Variants in PPP2R2C observed in about 807,000 individuals in gnomAD.
The protein encoded by PPP2R2C is protein phosphatase 2 regulatory subunit Bgamma.
In PPP2R2C, 10 loss-of-function variants were observed where a neutral mutation model predicts 45.3. The ratio of observed to expected loss-of-function variants is 0.22; its 90% CI spans 0.14 to 0.37. The LOEUF (loss-of-function observed/expected upper bound fraction) is 0.37. Ranked by LOEUF, PPP2R2C falls within the 10% of genes least tolerant of loss-of-function variation. The pLI is 1.00. For missense variants in PPP2R2C, 308 were observed against 619.7 expected (o/e 0.50, Z 5.34); for synonymous variants, 257 against 245.4 (o/e 1.05, Z -0.44).
intron 1 of PPP2R2C, among the ~76,000 whole-genome samples, chr4:6,419,732 T>C (rs1042767209): frequency 6.6e-6 from 1 of 152,150 alleles, no homozygotes; most frequent in African/African-American, 2.4e-5. Context: ...GAATGTGACA[T>C]CACAGCGTGG....
chr4:6,390,216 G>A (rs999602703), intron 1 of PPP2R2C, among the ~76,000 whole-genome samples: 22 of 143,838 alleles, frequency 1.5e-4, no homozygotes, highest in Non-Finnish European at 2.7e-4. Flanking sequence ...GGAGAACACA[G>A]CAGAGGGAGG....
intron 6 of PPP2R2C, among the ~76,000 whole-genome samples, chr4:6,346,398 T>C (rs1711933751): frequency 1.3e-5 from 2 of 152,080 alleles, no homozygotes; most frequent in Non-Finnish European, 2.9e-5. Flanking sequence ...CCTCAGGGTG[T>C]CCGTTCCACT....
chr4:6,414,154 T>G, intron 1 of PPP2R2C: 3 of 1,120,412 alleles, frequency 2.7e-6, no homozygotes, highest in Non-Finnish European at 2.4e-6. Context: ...AGAAACAAAA[T>G]ACGGCCTAGT....
At chr4:6,431,678 C>A (rs1719630715) in intron 1 of PPP2R2C, among the ~76,000 whole-genome samples, 1 of 152,200 alleles carries the variant, frequency 6.6e-6, no homozygotes, top group Non-Finnish European at 1.5e-5. Context: ...ACCACTTATA[C>A]TCTAGTCCAC....
chr4:6,493,901 A>G (rs1364335184), intron 2 of PPP2R2C, among the ~76,000 whole-genome samples: 2 of 152,222 alleles, frequency 1.3e-5, no homozygotes, highest in Non-Finnish European at 2.9e-5. Flanking sequence ...CCATAAATCA[A>G]CAGAACATGC....
At chr4:6,547,716 G>T (rs1725037671) in intron 1 of PPP2R2C, among the ~76,000 whole-genome samples, 1 of 152,070 alleles carries the variant, frequency 6.6e-6, no homozygotes, top group African/African-American at 2.4e-5. Flanking sequence ...AGGTGCAAAG[G>T]GTGATCTTTC....
chr4:6,338,434 C>A (rs1362014805), intron 6 of PPP2R2C, among the ~76,000 whole-genome samples: 1 of 152,202 alleles, frequency 6.6e-6, no homozygotes, highest in African/African-American at 2.4e-5. Flanking sequence ...TGGAGGGGAC[C>A]TGGGGAGCCC....
chr4:6,325,617 C>G (rs1731876682), intron 8 of PPP2R2C, among the ~76,000 whole-genome samples: 1 of 152,210 alleles, frequency 6.6e-6, no homozygotes, highest in Non-Finnish European at 1.5e-5. Context: ...CCACACAGTT[C>G]CTGATCCTCC....
At chr4:6,550,450 C>G (rs1170145369) in intron 1 of PPP2R2C, among the ~76,000 whole-genome samples, 2 of 152,222 alleles carry the variant, frequency 1.3e-5, no homozygotes, top group Non-Finnish European at 2.9e-5. Flanking sequence ...CACTAACAAG[C>G]CATGCACTCC....
chr4:6,451,417 G>A (rs940054117), intron 1 of PPP2R2C, among the ~76,000 whole-genome samples: 5 of 152,164 alleles, frequency 3.3e-5, no homozygotes, highest in Admixed American at 1.3e-4. Flanking sequence ...TTCTTATTGT[G>A]ACAAATTCCA....
chr4:6,498,797 A>G (rs1267200316), intron 2 of PPP2R2C, among the ~76,000 whole-genome samples: 1 of 152,168 alleles, frequency 6.6e-6, no homozygotes, highest in African/African-American at 2.4e-5. Flanking sequence ...CAATGGGGAA[A>G]AGGACTCTTC....
At chr4:6,348,154 C>G (rs949104383) in intron 5 of PPP2R2C, 144 bp from the exon 6 acceptor site, 4 of 933,200 alleles carry the variant, frequency 4.3e-6, no homozygotes, top group Non-Finnish European at 6.4e-6. Flanking sequence ...CCTCAAAATG[C>G]GTCCCCCTGA....
chr4:6,336,604 CGATGA>C (rs35403639), intron 6 of PPP2R2C, among the ~76,000 whole-genome samples: 62,869 of 68,276 alleles, frequency 0.92, 29,313 homozygotes, highest in Non-Finnish European at 0.95. Context: ...GCCCAGTGCA[CGATGA>C]GTGCTGCAGC....
chr4:6,551,866 C>T (rs566901964), intron 1 of PPP2R2C, among the ~76,000 whole-genome samples: 4 of 152,330 alleles, frequency 2.6e-5, no homozygotes, highest in South Asian at 4.1e-4. Flanking sequence ...CCAGCTGAGC[C>T]CTTCCTCAGC....
chr4:6,397,460 G>A (rs773756869), intron 1 of PPP2R2C, among the ~76,000 whole-genome samples: 3 of 152,254 alleles, frequency 2.0e-5, no homozygotes, highest in Non-Finnish European at 4.4e-5. Context: ...TGAGGGAACA[G>A]AGGCGGCCCT....
chr4:6,410,884 TATTA>T (rs1439989046), intron 1 of PPP2R2C, among the ~76,000 whole-genome samples: 27 of 121,956 alleles, frequency 2.2e-4, no homozygotes, highest in Admixed American at 5.2e-4. Context: ...TTTATTTATT[TATTA>T]GACAGAGTCT....
intron 2 of PPP2R2C, among the ~76,000 whole-genome samples, chr4:6,493,306 A>T (rs1398063226): frequency 2.0e-5 from 3 of 151,844 alleles, no homozygotes; most frequent in Admixed American, 2.0e-4. Flanking sequence ...GTTGTTTATC[A>T]GGACTATTGT....
At chr4:6,347,175 C>G (rs1485129294) in intron 6 of PPP2R2C, among the ~76,000 whole-genome samples, 3 of 152,176 alleles carry the variant, frequency 2.0e-5, no homozygotes, top group Non-Finnish European at 4.4e-5. Context: ...CTCTTCTGAA[C>G]AGCATCTCCT....
chr4:6,507,240 G>T (rs1415512272), intron 2 of PPP2R2C, among the ~76,000 whole-genome samples: 2 of 152,226 alleles, frequency 1.3e-5, no homozygotes, highest in Non-Finnish European at 2.9e-5. Context: ...TCAAGGATGA[G>T]GCCTGAGCCT....
Sources: allele counts gnomAD v4.1 joint callset (sites outside exome capture counted in the v4.1 genomes callset), GRCh38; gene constraint gnomAD v4.1.1; transcripts MANE v1.5; gene names NCBI Gene and HGNC (gene_info 2026-07-23, HGNC 2026-07-21).